Variants in GRIK2 observed in about 807,000 individuals in gnomAD.
GRIK2 encodes glutamate receptor ionotropic, kainate 2.
A neutral mutation model predicts 100.3 loss-of-function variants in GRIK2; 32 were observed. That is an observed-to-expected ratio of 0.32 (90% CI 0.24 to 0.43). The LOEUF is 0.43. GRIK2 is among the 20% of genes least tolerant of loss of function. GRIK2 has a pLI of 1.00. For synonymous variants in GRIK2, 417 were observed against 389.4 expected, an observed-to-expected ratio of 1.07 and a Z score of -0.83; for missense variants, 843 against 1,114.9, an observed-to-expected ratio of 0.76 and a Z score of 3.47.
intron 2 of GRIK2, among the ~76,000 whole-genome samples, chr6:101,611,917 TATAGTC>T (rs1243425807): frequency 2.6e-4 from 40 of 151,842 alleles, no homozygotes; most frequent in Non-Finnish European, 5.3e-4. Context: ...TTCAAATTGT[TATAGTC>T]ATAGTTTATA....
At chr6:102,058,872 A>C (rs1268507920) in intron 16 of GRIK2, among the ~76,000 whole-genome samples, 2 of 151,440 alleles carry the variant, frequency 1.3e-5, no homozygotes, top group African/African-American at 4.8e-5. Context: ...TTTGTCAGAT[A>C]TGTCAGATAT....
intron 2 of GRIK2, among the ~76,000 whole-genome samples, chr6:101,587,278 G>T (rs993816974): frequency 6.6e-6 from 1 of 152,014 alleles, no homozygotes; most frequent in Non-Finnish European, 1.5e-5. Flanking sequence ...AACAAAACTT[G>T]GGGAAAATTC....
chr6:101,735,392 C>G (rs1325017140), intron 7 of GRIK2, among the ~76,000 whole-genome samples: 1 of 152,118 alleles, frequency 6.6e-6, no homozygotes, highest in African/African-American at 2.4e-5. Flanking sequence ...TATTAGTCCG[C>G]TTTCAGGCTG....
intron 7 of GRIK2, among the ~76,000 whole-genome samples, chr6:101,786,829 A>G (rs1272015634): frequency 1.3e-5 from 2 of 152,240 alleles, no homozygotes; most frequent in South Asian, 2.1e-4. Flanking sequence ...TACTGACCTC[A>G]TAAAATGAGT....
chr6:101,896,089 A>T (rs1787419378), intron 12 of GRIK2, among the ~76,000 whole-genome samples: 1 of 151,746 alleles, frequency 6.6e-6, no homozygotes. Flanking sequence ...GTTACAATGT[A>T]CCTCTTTATT....
At chr6:101,532,266 T>C (rs1019448824) in intron 2 of GRIK2, among the ~76,000 whole-genome samples, 1 of 151,968 alleles carries the variant, frequency 6.6e-6, no homozygotes, top group Non-Finnish European at 1.5e-5. Context: ...AGAATTCCCA[T>C]TCATCTTTAG....
chr6:102,034,458 C>T (rs1770158659), intron 14 of GRIK2, among the ~76,000 whole-genome samples: 1 of 151,294 alleles, frequency 6.6e-6, no homozygotes, highest in South Asian at 2.1e-4. Context: ...TTTGTAACTT[C>T]AGGATTATTT....
chr6:101,857,389 G>A (rs1424105319), intron 10 of GRIK2, among the ~76,000 whole-genome samples: 1 of 152,198 alleles, frequency 6.6e-6, no homozygotes, highest in Non-Finnish European at 1.5e-5. Context: ...CAGGAGGTGA[G>A]GCTGCAGGGT....
At chr6:101,594,535 T>G (rs1778818001) in intron 2 of GRIK2, among the ~76,000 whole-genome samples, 1 of 151,854 alleles carries the variant, frequency 6.6e-6, no homozygotes, top group South Asian at 2.1e-4. Flanking sequence ...TGAGAAAAAG[T>G]TGTATTTTAC....
At chr6:101,398,138 C>T (rs899474833) in intron 1 of GRIK2, among the ~76,000 whole-genome samples, 3 of 152,052 alleles carry the variant, frequency 2.0e-5, no homozygotes, top group Non-Finnish European at 4.4e-5. Flanking sequence ...CAATGTCGCT[C>T]ATGCTATGAT....
intron 16 of GRIK2, among the ~76,000 whole-genome samples, chr6:102,066,538 T>G (rs1772025625): frequency 6.6e-6 from 1 of 151,558 alleles, no homozygotes; most frequent in South Asian, 2.1e-4. Context: ...AGTTAAAACT[T>G]GAGCCATGTC....
Position 101,889,718 on chromosome 6 carries a change from A to G in GRIK2, c.1603A>G (p.Thr535Ala). 6.2e-7 allele frequency: 1 copy of G among 1,611,672 alleles called. No homozygotes were observed. The change falls in exon 12 of 17, where the codon ACA (threonine) becomes GCA (alanine). Residue 535 changes from threonine to alanine, a missense_variant. By Grantham distance (58) the Thr-to-Ala change is moderately conservative. Transcript: ENST00000369134. ...CATCGACTTTTCCAAGCCCTTTATG[A>G]CACTTGGAATAAGTATTTTGTACCG... ...KVIDFSKPFMTLGISILYRKP... is the reference protein window; with the variant it reads ...KVIDFSKPFMALGISILYRKP...
In GRIK2 at chr6:102,068,629, T is replaced by C; in HGVS notation, c.*118T>C. 2.5e-6 allele frequency: 2 copies of C among 787,202 alleles called. No individual in the cohort carries two copies. The highest frequency in any genetic ancestry group is 4.1e-6 in the Non-Finnish European group (2 of 491,028). The allele number at this position is 787,202 out of a possible 1,614,324, so 48.8% of individuals were successfully genotyped here. A position where few individuals can be genotyped will look rare whatever the true frequency, so the allele number is the denominator to read the frequency against. On this transcript the variant is annotated 3_prime_UTR_variant, in exon 17 of 17. Coordinates refer to ENST00000369134, the MANE Select transcript of GRIK2 (RefSeq NM_021956.5). ...AATAAAATGAGTTACCTCATGCCGC[T>C]GTGTCTATGAACTAGAGACTCTGTG...
At chr6:101,805,532 T>C (rs781412329) in intron 9 of GRIK2, among the ~76,000 whole-genome samples, 1 of 152,012 alleles carries the variant, frequency 6.6e-6, no homozygotes, top group Non-Finnish European at 1.5e-5. Flanking sequence ...TTCTCATGCC[T>C]ATTGCCTTTT....
chr6:101,641,340 A>G (rs1453052757), intron 4 of GRIK2, among the ~76,000 whole-genome samples: 6 of 152,020 alleles, frequency 3.9e-5, no homozygotes, highest in Admixed American at 3.9e-4. Flanking sequence ...TTTTTATCCA[A>G]TTGAAATAAT....
intron 7 of GRIK2, among the ~76,000 whole-genome samples, chr6:101,791,742 G>T (rs1354975087): frequency 6.6e-6 from 1 of 152,038 alleles, no homozygotes; most frequent in Non-Finnish European, 1.5e-5. Flanking sequence ...GCAGAGCTGA[G>T]TTCAATTCCT....
At chr6:101,942,120 A>T (rs1226328821) in intron 14 of GRIK2, among the ~76,000 whole-genome samples, 1 of 152,192 alleles carries the variant, frequency 6.6e-6, no homozygotes, top group Non-Finnish European at 1.5e-5. Context: ...CAGATTTATT[A>T]TAATTTTAAA....
intron 2 of GRIK2, among the ~76,000 whole-genome samples, chr6:101,521,192 A>G (rs1049429156): frequency 6.6e-6 from 1 of 152,070 alleles, no homozygotes; most frequent in Non-Finnish European, 1.5e-5. Context: ...GTCAATCTTA[A>G]TTTCTAGTAC....
At chr6:101,821,123 T>G (rs1483662892) in intron 10 of GRIK2, among the ~76,000 whole-genome samples, 1 of 152,272 alleles carries the variant, frequency 6.6e-6, no homozygotes, top group Admixed American at 6.5e-5. Context: ...CAAATGACTA[T>G]ATTTAAATAT....
Sources: allele counts gnomAD v4.1 joint callset (sites outside exome capture counted in the v4.1 genomes callset), GRCh38; gene constraint gnomAD v4.1.1; transcripts MANE v1.5; gene names NCBI Gene and HGNC (gene_info 2026-07-23, HGNC 2026-07-21).